The following TAFA1 variants were observed in gnomAD, a reference collection of about 807,000 sequenced individuals.
TAFA1 encodes the protein chemokine-like protein TAFA-1.
In TAFA1, 4 loss-of-function variants were observed where a neutral mutation model predicts 18.5. The ratio of observed to expected loss-of-function variants is 0.22; its 90% CI spans 0.11 to 0.49. The LOEUF is 0.49. Among genes scored for constraint, TAFA1 ranks in the 20% least tolerant of loss-of-function variants. TAFA1 has a pLI of 0.98. For missense variants in TAFA1, 147 were observed against 169.0 expected (o/e 0.87, Z 0.72); for synonymous variants, 56 against 55.2 (o/e 1.01, Z -0.06).
chr3:68,210,587 G>A (rs1322791828), intron 2 of TAFA1, among the ~76,000 whole-genome samples: 1 of 151,988 alleles, frequency 6.6e-6, no homozygotes, highest in East Asian at 1.9e-4. Flanking sequence ...CAATTTCTCA[G>A]AGCTGAGAAA....
chr3:68,253,889 T>C (rs569874489), intron 2 of TAFA1, among the ~76,000 whole-genome samples: 1 of 152,306 alleles, frequency 6.6e-6, no homozygotes, highest in South Asian at 2.1e-4. Context: ...AGGTCATTAT[T>C]GTGTGACATT....
chr3:68,449,046 AT>A (rs1279828648), intron 3 of TAFA1, among the ~76,000 whole-genome samples: 2 of 152,204 alleles, frequency 1.3e-5, no homozygotes, highest in African/African-American at 2.4e-5. Flanking sequence ...CACTAGATTT[AT>A]TTCCATGCTA....
chr3:68,482,710 T>C (rs1321934815), intron 3 of TAFA1, among the ~76,000 whole-genome samples: 3 of 152,210 alleles, frequency 2.0e-5, no homozygotes, highest in Non-Finnish European at 2.9e-5. Context: ...CAGGCTGACA[T>C]TAACATAGTT....
chr3:68,249,496 T>C (rs1341725749), intron 2 of TAFA1, among the ~76,000 whole-genome samples: 1 of 152,160 alleles, frequency 6.6e-6, no homozygotes, highest in Non-Finnish European at 1.5e-5. Flanking sequence ...TCATTTGTCC[T>C]ATGTATCAAA....
chr3:68,062,611 G>T (rs1023577508), intron 2 of TAFA1, among the ~76,000 whole-genome samples: 3 of 152,144 alleles, frequency 2.0e-5, no homozygotes, highest in Non-Finnish European at 4.4e-5. Flanking sequence ...TGACCCTAGG[G>T]TTTTTCCAAT....
At chr3:68,059,825 C>G (rs1036998806) in intron 2 of TAFA1, among the ~76,000 whole-genome samples, 5 of 152,118 alleles carry the variant, frequency 3.3e-5, no homozygotes, top group Admixed American at 1.3e-4. Context: ...AATTATTAAC[C>G]CAAGTGCCAG....
rs181221273 is a variant in TAFA1 at position 68,083,328 on chromosome 3, G to C, written c.118+76584G>C. 1.7e-3 allele frequency among the ~76,000 whole-genome samples: 259 copies of C among 152,268 alleles called. 3 individuals carry two copies. Among genetic ancestry groups the C allele is most frequent in the African/African-American group, 6.0e-3 (250 of 41,550 alleles). On this transcript the variant is annotated intron_variant, in intron 2 of 4. Coordinates refer to ENST00000478136, the MANE Select transcript of TAFA1 (RefSeq NM_213609.4). ...TTAGGTGATAATCACTTTTGCCTTTGTTTGAATTATCTGAATTTTAATTGC... is the reference window on the plus strand; with the variant it reads ...TTAGGTGATAATCACTTTTGCCTTTCTTTGAATTATCTGAATTTTAATTGC...
At chr3:68,108,869 A>G (rs1159367055) in intron 2 of TAFA1, among the ~76,000 whole-genome samples, 3 of 152,094 alleles carry the variant, frequency 2.0e-5, no homozygotes, top group Admixed American at 6.6e-5. Context: ...AACCAATCCC[A>G]TTTCACTCTG....
At chr3:68,134,080 AAAAC>A (rs2065576842) in intron 2 of TAFA1, among the ~76,000 whole-genome samples, 1 of 129,090 alleles carries the variant, frequency 7.7e-6, no homozygotes, top group Non-Finnish European at 1.7e-5. Flanking sequence ...AAAAAAAAAA[AAAAC>A]AATGAGAAAA....
intron 2 of TAFA1, among the ~76,000 whole-genome samples, chr3:68,104,191 A>T (rs988372699): frequency 2.0e-4 from 31 of 152,144 alleles, no homozygotes; most frequent in African/African-American, 7.2e-4. Context: ...AGAGGGGATT[A>T]AAAAAACTCA....
Position 68,543,072 on chromosome 3 carries a change from C to T in TAFA1, c.385-1414C>T, listed in dbSNP as rs188290081. Among the ~76,000 whole-genome samples, 9 of 152,150 alleles carry T rather than the reference C, an allele frequency of 5.9e-5. No homozygotes were observed. In the East Asian group the frequency reaches 1.2e-3, roughly 20 times the overall value. ...TTCCCTGTGGTAAAATTGTGAGGGACGTATGTGGCTTTTGAAACATCTTTG... is the reference window on the plus strand; with the variant it reads ...TTCCCTGTGGTAAAATTGTGAGGGATGTATGTGGCTTTTGAAACATCTTTG... On this transcript the variant is annotated intron_variant, in intron 4 of 4. Coordinates refer to ENST00000478136, the MANE Select transcript of TAFA1 (RefSeq NM_213609.4).
At chr3:68,345,585 G>A (rs1416858715) in intron 2 of TAFA1, among the ~76,000 whole-genome samples, 2 of 152,182 alleles carry the variant, frequency 1.3e-5, no homozygotes, top group Admixed American at 6.5e-5. Flanking sequence ...TGACATTTAA[G>A]CTGGCCAAGG....
At chr3:68,260,614 C>T (rs564222020) in intron 2 of TAFA1, among the ~76,000 whole-genome samples, 178 of 152,104 alleles carry the variant, frequency 1.2e-3, no homozygotes, top group Admixed American at 4.8e-3. Context: ...GAAATAATGC[C>T]GCATATCTAC....
chr3:68,384,000 A>G (rs769178074), intron 2 of TAFA1, among the ~76,000 whole-genome samples: 1 of 151,686 alleles, frequency 6.6e-6, no homozygotes, highest in African/African-American at 2.4e-5. Flanking sequence ...GGTTGTTTGT[A>G]TTTCTCTGGG....
intron 2 of TAFA1, among the ~76,000 whole-genome samples, chr3:68,221,246 C>T (rs1208093653): frequency 6.6e-6 from 1 of 152,088 alleles, no homozygotes; most frequent in Non-Finnish European, 1.5e-5. Context: ...TGGACTTTGA[C>T]CTAGGATAAA....
intron 2 of TAFA1, among the ~76,000 whole-genome samples, chr3:68,261,447 T>C (rs1292559326): frequency 1.3e-5 from 2 of 152,196 alleles, no homozygotes; most frequent in African/African-American, 4.8e-5. Flanking sequence ...ATCATGCTGC[T>C]ATAAAGATAC....
intron 2 of TAFA1, among the ~76,000 whole-genome samples, chr3:68,237,503 G>C (rs191336772): frequency 6.6e-6 from 1 of 152,078 alleles, no homozygotes; most frequent in Non-Finnish European, 1.5e-5. Context: ...TTAATGCTAC[G>C]CACACATCAG....
intron 3 of TAFA1, among the ~76,000 whole-genome samples, chr3:68,439,346 CCTT>C (rs1297118176): frequency 6.8e-6 from 1 of 146,262 alleles, no homozygotes; most frequent in East Asian, 2.0e-4. Context: ...TTGAGTTTGG[CCTT>C]CTACAAAGCT....
At chr3:68,047,543 A>C (rs183894044) in intron 2 of TAFA1, among the ~76,000 whole-genome samples, 1 of 152,262 alleles carries the variant, frequency 6.6e-6, no homozygotes, top group African/African-American at 2.4e-5. Context: ...GAAATGCCAC[A>C]TAATTTCACT....
Sources: gnomAD v4.1 joint callset for allele counts (sites outside exome capture counted in the v4.1 genomes callset) on GRCh38, gnomAD v4.1.1 for gene constraint, MANE v1.5 for transcripts, NCBI Gene and HGNC (gene_info 2026-07-23, HGNC 2026-07-21) for gene names.